The following NECTIN3 variants were observed in gnomAD, a reference collection of about 807,000 sequenced individuals.
NECTIN3 encodes the protein nectin cell adhesion molecule 3.
In NECTIN3, 8 loss-of-function variants were observed where a neutral mutation model predicts 49.4. The observed-to-expected ratio is 0.16, with a 90% CI of 0.10 to 0.29. NECTIN3 has a LOEUF of 0.29. Among genes scored for constraint, NECTIN3 ranks in the 10% least tolerant of loss-of-function variants. The pLI is 1.00. For missense variants in NECTIN3, 581 were observed against 654.6 expected (o/e 0.89, Z 1.23); for synonymous variants, 277 against 241.1 (o/e 1.15, Z -1.38).
chr3:111,126,890 G>A (rs571863437), intron 5 of NECTIN3, among the ~76,000 whole-genome samples: 2 of 152,182 alleles, frequency 1.3e-5, no homozygotes, highest in African/African-American at 4.8e-5. Flanking sequence ...ACTACTAATA[G>A]CTTAGATTTT....
chr3:111,146,232 A>G (rs1210162384), intron 6 of NECTIN3, among the ~76,000 whole-genome samples: 2 of 151,958 alleles, frequency 1.3e-5, no homozygotes, highest in African/African-American at 2.4e-5. Context: ...CAGGAGATCG[A>G]GACCATCCCG....
At chr3:111,116,848 C>T (rs2033707894) in intron 2 of NECTIN3, among the ~76,000 whole-genome samples, 1 of 152,040 alleles carries the variant, frequency 6.6e-6, no homozygotes, top group Non-Finnish European at 1.5e-5. Flanking sequence ...GTGATAATAT[C>T]AGCTGGGTGA....
chr3:111,150,839 C>CT (rs1418852230), intron 7 of NECTIN3, among the ~76,000 whole-genome samples: 1 of 151,738 alleles, frequency 6.6e-6, no homozygotes, highest in Non-Finnish European at 1.5e-5. Context: ...TTAGGAGATA[C>CT]TGTTTATATT....
exon 1 of NECTIN3, chr3:111,192,393 G>T: frequency 6.5e-7 from 1 of 1,535,940 alleles, no homozygotes; most frequent in Non-Finnish European, 8.7e-7. Flanking sequence ...AGAAAGAGAA[G>T]TTGGCAATCT....
intron 1 of NECTIN3, among the ~76,000 whole-genome samples, chr3:111,101,512 AAG>A (rs1404057838): frequency 6.6e-6 from 1 of 152,114 alleles, no homozygotes; most frequent in Admixed American, 6.6e-5. Context: ...AAATTATTTG[AAG>A]CTGAATTTTT....
downstream of NECTIN3, among the ~76,000 whole-genome samples, chr3:111,140,279 C>T (rs922346578): frequency 9.2e-5 from 14 of 151,640 alleles, no homozygotes; most frequent in African/African-American, 2.7e-4. Context: ...TGTTTCAGCA[C>T]ATTATAGGTT....
intron 1 of NECTIN3, among the ~76,000 whole-genome samples, chr3:111,090,415 T>C (rs1175348636): frequency 6.6e-6 from 1 of 152,130 alleles, no homozygotes; most frequent in Non-Finnish European, 1.5e-5. Context: ...ACCCTACTGT[T>C]AACTACCCTA....
intron 6 of NECTIN3, among the ~76,000 whole-genome samples, chr3:111,146,433 CAAAAA>C (rs530786189): frequency 5.1e-5 from 3 of 58,336 alleles, no homozygotes; most frequent in African/African-American, 1.8e-4. Context: ...GACTCCGTCT[CAAAAA>C]AAAAAAAAAA....
intron 7 of NECTIN3, among the ~76,000 whole-genome samples, chr3:111,184,521 G>A (rs2035685266): frequency 6.6e-6 from 1 of 152,136 alleles, no homozygotes; most frequent in Non-Finnish European, 1.5e-5. Context: ...CCAGATGCTA[G>A]CACCTTGATA....
chr3:111,173,775 G>A (rs1489759225), intron 7 of NECTIN3, among the ~76,000 whole-genome samples: 1 of 151,890 alleles, frequency 6.6e-6, no homozygotes, highest in Non-Finnish European at 1.5e-5. Flanking sequence ...TTAGTAAAGT[G>A]TACAGCCTAC....
intron 1 of NECTIN3, chr3:111,074,121 A>G: frequency 2.3e-6 from 1 of 437,518 alleles, no homozygotes; most frequent in Admixed American, 2.5e-5. Context: ...TAGTGTTATA[A>G]CACCCTAATT....
chr3:111,147,565 A>ATGTTGTTTAGTCATTATGCATTAAG (rs1287562165), intron 7 of NECTIN3: 252 of 1,161,474 alleles, frequency 2.2e-4, no homozygotes, highest in Non-Finnish European at 2.2e-4. Context: ...TTCTTTCAAA[A>ATGTTGTTTAGTCATTATGCATTAAG]TGTTGTTTAG....
intron 5 of NECTIN3, among the ~76,000 whole-genome samples, chr3:111,130,636 A>G (rs1559798356): frequency 1.3e-5 from 2 of 152,168 alleles, no homozygotes; most frequent in African/African-American, 4.8e-5. Context: ...TCAGAACAGA[A>G]TAAGCAACTC....
chr3:111,151,084 T>C (rs2107512742), intron 7 of NECTIN3, among the ~76,000 whole-genome samples: 1 of 152,064 alleles, frequency 6.6e-6, no homozygotes, highest in African/African-American at 2.4e-5. Flanking sequence ...TAGTACCATA[T>C]TCTTAGTGCA....
At chr3:111,128,220 C>T (rs934435659) in intron 5 of NECTIN3, among the ~76,000 whole-genome samples, 1 of 151,620 alleles carries the variant, frequency 6.6e-6, no homozygotes, top group Admixed American at 6.6e-5. Flanking sequence ...GCCTGTGATC[C>T]CAGCCACTCA....
intron 1 of NECTIN3, among the ~76,000 whole-genome samples, chr3:111,193,022 T>C (rs2035840132): frequency 6.6e-6 from 1 of 152,224 alleles, no homozygotes; most frequent in African/African-American, 2.4e-5. Flanking sequence ...CAGGGTATTG[T>C]AAGCGACAAA....
exon 6 of NECTIN3, chr3:111,144,924 C>T (rs2034837036): frequency 5.2e-6 from 8 of 1,536,054 alleles, no homozygotes; most frequent in East Asian, 2.4e-5. Flanking sequence ...AGACCTCTTC[C>T]ATAGCTGTAG....
At chr3:111,076,202 A>G (rs1200148476) in intron 1 of NECTIN3, among the ~76,000 whole-genome samples, 1 of 152,140 alleles carries the variant, frequency 6.6e-6, no homozygotes, top group Non-Finnish European at 1.5e-5. Flanking sequence ...TAGTTAAGGG[A>G]TAAAACTTAT....
intron 1 of NECTIN3, among the ~76,000 whole-genome samples, chr3:111,074,462 AT>A (rs1007901255): frequency 2.6e-5 from 4 of 151,998 alleles, no homozygotes; most frequent in African/African-American, 7.2e-5. Context: ...TGACATATAG[AT>A]TTTTCCTTTT....
Sources: allele counts gnomAD v4.1 joint callset (sites outside exome capture counted in the v4.1 genomes callset), GRCh38; gene constraint gnomAD v4.1.1; transcripts MANE v1.5; gene names NCBI Gene and HGNC (gene_info 2026-07-23, HGNC 2026-07-21).